The following SLC25A48 variants were observed in gnomAD, a reference collection of about 807,000 sequenced individuals.
SLC25A48 encodes the protein CTC-321K16.1.
Under a neutral mutation model 32.2 loss-of-function variants are expected in SLC25A48, and 29 were observed. The observed-to-expected ratio is 0.90, with a 90% CI of 0.67 to 1.23. The LOEUF is 1.23. Ranked by LOEUF, SLC25A48 falls within the 50% of genes most tolerant of loss-of-function variation. SLC25A48 has a pLI of 0.00. For synonymous variants in SLC25A48, 164 were observed against 172.3 expected, an observed-to-expected ratio of 0.95 and a Z score of 0.38; for missense variants, 399 against 422.7, an observed-to-expected ratio of 0.94 and a Z score of 0.49.
intron 1 of SLC25A48, among the ~76,000 whole-genome samples, chr5:135,580,333 G>A (rs1751203884): frequency 6.6e-6 from 1 of 152,174 alleles, no homozygotes; most frequent in Non-Finnish European, 1.5e-5. Context: ...GACAGGAGGT[G>A]GATCATCTCA....
intron 3 of SLC25A48, among the ~76,000 whole-genome samples, chr5:135,749,141 C>T (rs1176471384): frequency 6.6e-6 from 1 of 152,096 alleles, no homozygotes; most frequent in East Asian, 1.9e-4. Flanking sequence ...TCTTTTGTCT[C>T]TAGTCACACA....
intron 3 of SLC25A48, among the ~76,000 whole-genome samples, chr5:135,762,355 G>A (rs778134923): frequency 1.3e-5 from 2 of 152,154 alleles, no homozygotes; most frequent in Non-Finnish European, 2.9e-5. Flanking sequence ...GGCACACATC[G>A]TGCTGGAAGG....
chr5:135,796,517 G>C (rs746062026), intron 3 of SLC25A48, among the ~76,000 whole-genome samples: 4 of 151,488 alleles, frequency 2.6e-5, no homozygotes, highest in African/African-American at 7.3e-5. Flanking sequence ...CTGGGGGTGA[G>C]AGGATGATAT....
intron 3 of SLC25A48, among the ~76,000 whole-genome samples, chr5:135,639,935 A>G (rs992793941): frequency 1.3e-5 from 2 of 152,214 alleles, no homozygotes; most frequent in Non-Finnish European, 2.9e-5. Context: ...GTAAAATGTG[A>G]TTGCTAGTCA....
chr5:135,881,688 C>T (rs1252370777), intron 7 of SLC25A48, among the ~76,000 whole-genome samples: 1 of 152,110 alleles, frequency 6.6e-6, no homozygotes, highest in African/African-American at 2.4e-5. Flanking sequence ...TCTTAAAAAT[C>T]CTATAACAAA....
chr5:135,630,587 C>CTTT (rs1752533893), intron 2 of SLC25A48, among the ~76,000 whole-genome samples: 1 of 93,394 alleles, frequency 1.1e-5, no homozygotes, highest in African/African-American at 4.2e-5. Context: ...AGGCTGGGCA[C>CTTT]CTTTTTTTTT....
intron 2 of SLC25A48, among the ~76,000 whole-genome samples, chr5:135,846,763 G>C (rs1489710496): frequency 6.6e-6 from 1 of 152,040 alleles, no homozygotes; most frequent in Non-Finnish European, 1.5e-5. Flanking sequence ...TCTCTATAAG[G>C]ACCAAAGAAA....
intron 3 of SLC25A48, among the ~76,000 whole-genome samples, chr5:135,759,205 C>A (rs1005183516): frequency 1.3e-5 from 2 of 151,974 alleles, no homozygotes; most frequent in Non-Finnish European, 2.9e-5. Flanking sequence ...TGAAGAATAT[C>A]ATTTATGATA....
intron 4 of SLC25A48, among the ~76,000 whole-genome samples, chr5:135,813,775 T>C (rs1267869995): frequency 6.6e-5 from 10 of 151,878 alleles, no homozygotes; most frequent in African/African-American, 2.4e-4. Context: ...AAGAGCAATG[T>C]TGGGAAAAAG....
intron 3 of SLC25A48, among the ~76,000 whole-genome samples, chr5:135,693,476 A>G (rs1367900668): frequency 1.3e-5 from 2 of 152,240 alleles, no homozygotes; most frequent in Non-Finnish European, 2.9e-5. Flanking sequence ...GAAGAGGAAG[A>G]TGCGGTGGTA....
At chr5:135,640,933 G>T (rs1752820520) in intron 3 of SLC25A48, among the ~76,000 whole-genome samples, 1 of 152,128 alleles carries the variant, frequency 6.6e-6, no homozygotes, top group South Asian at 2.1e-4. Context: ...CTAAGATCAG[G>T]AATAAGACAA....
rs374277513 is a variant in SLC25A48, at chr5:135,775,475, CT to C, written c.-520-37047del. On this transcript the variant is annotated intron_variant, in intron 3 of 10. Coordinates refer to the SLC25A48 transcript ENST00000646290. ...TATATTGAAGAGGATGTACACCCCC[CT>C]GTGCTATTGTTTTTTATATCCAGAG... Among the ~76,000 whole-genome samples the C allele has an allele frequency of 1.9e-3, 290 of 151,596 alleles. 2 individuals are homozygous for C. Among genetic ancestry groups the C allele is most frequent in the African/African-American group, 6.7e-3 (275 of 41,330 alleles).
At chr5:135,635,425 C>A (rs2126911278) in intron 3 of SLC25A48, among the ~76,000 whole-genome samples, 1 of 152,308 alleles carries the variant, frequency 6.6e-6, no homozygotes, top group Admixed American at 6.5e-5. Flanking sequence ...AATGATAACA[C>A]CAACAACAGC....
intron 7 of SLC25A48, among the ~76,000 whole-genome samples, chr5:135,887,601 A>G (rs960594193): frequency 6.6e-6 from 1 of 152,138 alleles, no homozygotes; most frequent in African/African-American, 2.4e-5. Context: ...CGCGTCTGGG[A>G]GTGCACGATC....
intron 3 of SLC25A48, among the ~76,000 whole-genome samples, chr5:135,771,609 C>G (rs80193514): frequency 0.01 from 1,562 of 151,544 alleles, 14 homozygotes; most frequent in Middle Eastern, 0.031. Context: ...TGATATTACT[C>G]TTTGTATCAC....
intron 3 of SLC25A48, among the ~76,000 whole-genome samples, chr5:135,675,247 A>G (rs576216583): frequency 6.6e-6 from 1 of 152,090 alleles, no homozygotes; most frequent in South Asian, 2.1e-4. Flanking sequence ...ACATTAGTCC[A>G]TTGTTAGATG....
At chr5:135,673,504 A>G (rs1753701629) in intron 3 of SLC25A48, among the ~76,000 whole-genome samples, 2 of 152,154 alleles carry the variant, frequency 1.3e-5, no homozygotes, top group Non-Finnish European at 2.9e-5. Context: ...CATTCACTTG[A>G]CATTTGGATA....
At chr5:135,624,370 A>G (rs1411941346) in intron 1 of SLC25A48, among the ~76,000 whole-genome samples, 4 of 152,212 alleles carry the variant, frequency 2.6e-5, no homozygotes, top group Non-Finnish European at 4.4e-5. Flanking sequence ...AGAAATGTCA[A>G]TTGTTTTGTG....
intron 1 of SLC25A48, among the ~76,000 whole-genome samples, chr5:135,592,430 G>A (rs961267119): frequency 1.5e-4 from 23 of 152,182 alleles, no homozygotes; most frequent in Non-Finnish European, 2.9e-4. Context: ...TGTAGTAAGT[G>A]CTCATCAGAT....
Sources: gnomAD v4.1 joint callset for allele counts (sites outside exome capture counted in the v4.1 genomes callset) on GRCh38, gnomAD v4.1.1 for gene constraint, MANE v1.5 for transcripts, NCBI Gene and HGNC (gene_info 2026-07-23, HGNC 2026-07-21) for gene names.